Variants in NIPBL observed in about 807,000 individuals in gnomAD.
NIPBL encodes the protein nipped-B-like protein.
A neutral mutation model predicts 321.8 loss-of-function variants in NIPBL; 19 were observed. That is an observed-to-expected ratio of 0.06 (90% CI 0.04 to 0.09). The LOEUF (loss-of-function observed/expected upper bound fraction) is 0.09. NIPBL is among the 10% of genes least tolerant of loss of function. The pLI is 1.00. For missense variants in NIPBL, 2,210 were observed against 3,327.0 expected (o/e 0.66, Z 8.26); for synonymous variants, 1,106 against 1,114.1 (o/e 0.99, Z 0.14).
chr5:36,919,177 T>G (rs1267330961), intron 1 of NIPBL, among the ~76,000 whole-genome samples: 1 of 152,154 alleles, frequency 6.6e-6, no homozygotes, highest in Non-Finnish European at 1.5e-5. Flanking sequence ...GTTTTTATGC[T>G]GCTAAGGACA....
intron 1 of NIPBL, among the ~76,000 whole-genome samples, chr5:36,912,249 A>G (rs138961986): frequency 2.6e-5 from 4 of 152,282 alleles, no homozygotes; most frequent in African/African-American, 9.6e-5. Context: ...ATGAGGCTTT[A>G]GAGATTGAAG....
intron 1 of NIPBL, among the ~76,000 whole-genome samples, chr5:36,898,153 G>C (rs1229960113): frequency 1.3e-5 from 2 of 152,088 alleles, no homozygotes; most frequent in South Asian, 2.1e-4. Flanking sequence ...TAAAAATCTA[G>C]CTAGCTTATT....
At chr5:37,045,694 G>T (rs1246343832) in intron 37 of NIPBL, 97 bp downstream of exon 37, 24 of 1,263,528 alleles carry the variant, frequency 1.9e-5, no homozygotes, top group Non-Finnish European at 2.8e-5. Context: ...GGCAACATTA[G>T]AGTAGTCTGG....
At chr5:36,942,448 A>AG (rs1739198800) in intron 1 of NIPBL, among the ~76,000 whole-genome samples, 1 of 144,342 alleles carries the variant, frequency 6.9e-6, no homozygotes, top group Admixed American at 6.9e-5. Flanking sequence ...AAAAAAAAAA[A>AG]AAAAAAAAAG....
intron 45 of NIPBL, among the ~76,000 whole-genome samples, chr5:37,062,417 A>G (rs1440235337): frequency 6.6e-6 from 1 of 152,098 alleles, no homozygotes; most frequent in Non-Finnish European, 1.5e-5. Flanking sequence ...CTTATCAAGT[A>G]TGCAAATGTA....
chr5:36,926,025 G>A (rs142542343), intron 1 of NIPBL, among the ~76,000 whole-genome samples: 7 of 152,190 alleles, frequency 4.6e-5, no homozygotes, highest in East Asian at 1.9e-4. Flanking sequence ...ACTCAGTCAC[G>A]TCAGTAGTTT....
chr5:37,042,245 G>T (rs1007116207), intron 34 of NIPBL, among the ~76,000 whole-genome samples: 2 of 151,412 alleles, frequency 1.3e-5, no homozygotes, highest in African/African-American at 2.4e-5. Context: ...GACCAGCCTG[G>T]CCAGCATGGT....
At chr5:36,966,268 G>T (rs947630834) in intron 6 of NIPBL, among the ~76,000 whole-genome samples, 14 of 151,902 alleles carry the variant, frequency 9.2e-5, no homozygotes, top group Non-Finnish European at 7.4e-5. Context: ...CTAATTTTTG[G>T]TTTTTGAAGA....
intron 1 of NIPBL, among the ~76,000 whole-genome samples, chr5:36,905,422 C>A (rs1240418459): frequency 6.6e-6 from 1 of 152,128 alleles, no homozygotes; most frequent in African/African-American, 2.4e-5. Flanking sequence ...CTTGTAAGAT[C>A]ATAATCGGTG....
chr5:36,937,829 G>A (rs1292806744), intron 1 of NIPBL, among the ~76,000 whole-genome samples: 1 of 152,086 alleles, frequency 6.6e-6, no homozygotes, highest in Non-Finnish European at 1.5e-5. Flanking sequence ...AACAATGTGT[G>A]TTTCTGTGTG....
chr5:36,969,153 T>C (rs1050900695), intron 6 of NIPBL, among the ~76,000 whole-genome samples: 1 of 151,966 alleles, frequency 6.6e-6, no homozygotes, highest in Non-Finnish European at 1.5e-5. Context: ...TTGAAAGAGA[T>C]AGAAGAAAAG....
At position 36,930,994 on chromosome 5, in the gene NIPBL, G is replaced by A. The variant is rs560194949; in HGVS notation, c.-79-22624G>A. Reference sequence around the variant, plus strand: ...TGTTCATGAGGGATATTGGTCTGTAGTTTTCTTGCATTGTCTCTGTCTGGC... The same window carrying A: ...TGTTCATGAGGGATATTGGTCTGTAATTTTCTTGCATTGTCTCTGTCTGGC... On this transcript the variant is annotated intron_variant, in intron 1 of 46. Transcript: ENST00000282516. 5.9e-5 allele frequency among the ~76,000 whole-genome samples: 9 copies of A among 152,242 alleles called. No homozygotes were observed. The South Asian group carries it at 6.2e-4, about 11-fold the overall frequency.
chr5:37,009,190 A>C (rs184085535), intron 20 of NIPBL, among the ~76,000 whole-genome samples: 46 of 152,322 alleles, frequency 3.0e-4, no homozygotes, highest in African/African-American at 1.0e-3. Flanking sequence ...ATGGCTCAAA[A>C]TAATCAGATC....
chr5:36,924,944 A>G (rs1235273722), intron 1 of NIPBL, among the ~76,000 whole-genome samples: 1 of 152,290 alleles, frequency 6.6e-6, no homozygotes, highest in South Asian at 2.1e-4. Context: ...AAAATTTTAT[A>G]TATCTTTTAT....
chr5:36,977,935 A>G (rs1339912717), intron 9 of NIPBL, among the ~76,000 whole-genome samples: 1 of 151,994 alleles, frequency 6.6e-6, no homozygotes, highest in Non-Finnish European at 1.5e-5. Context: ...TGCAGAGGAC[A>G]TGATTTCATT....
chr5:36,918,736 G>T (rs536859114), intron 1 of NIPBL, among the ~76,000 whole-genome samples: 3 of 152,202 alleles, frequency 2.0e-5, no homozygotes, highest in African/African-American at 7.2e-5. Context: ...TAGCATGAAG[G>T]GCTGTTGAAT....
chr5:37,058,240 A>G (rs1754306898), intron 43 of NIPBL, among the ~76,000 whole-genome samples: 1 of 152,220 alleles, frequency 6.6e-6, no homozygotes, highest in South Asian at 2.1e-4. Context: ...TGAGAAGTTA[A>G]TAATTTCCCA....
At chr5:36,971,895 AT>A in intron 7 of NIPBL, 49 bp from the exon 8 acceptor site, 1 of 1,566,904 alleles carries the variant, frequency 6.4e-7, no homozygotes, top group African/African-American at 1.4e-5. Flanking sequence ...TAAGATTTCT[AT>A]AAAGCCTCTC....
In NIPBL at chr5:36,955,619, A is replaced by G; in HGVS notation, c.212A>G (p.Gln71Arg). 1 of 1,614,002 alleles carries G rather than the reference A, an allele frequency of 6.2e-7. No homozygotes were observed. Among genetic ancestry groups the G allele is most frequent in the Non-Finnish European group, 8.5e-7 (1 of 1,179,932 alleles). Reference sequence around the variant, plus strand: ...TCACAGCTTGTCCATAGCCTCAACCAGGTATCAACAGATCACATGTAAGTA... The same window carrying G: ...TCACAGCTTGTCCATAGCCTCAACCGGGTATCAACAGATCACATGTAAGTA... ...LVSQLVHSLNQVSTDHIELKD... is the reference protein window; with the variant it reads ...LVSQLVHSLNRVSTDHIELKD... The change falls in exon 3 of 47, where the codon CAG becomes CGG. Residue 71 changes from glutamine (Q) to arginine (R), a missense_variant. Around this residue, in one of 14 missense-constraint regions of NIPBL, gnomAD observed 464 missense variants for 529.5 expected, o/e 0.88. Coordinates refer to ENST00000282516, the MANE Select transcript of NIPBL (RefSeq NM_133433.4).
Sources: gnomAD v4.1 joint callset for allele counts (sites outside exome capture counted in the v4.1 genomes callset) on GRCh38, gnomAD v4.1.1 for gene constraint, gnomAD v4.1.1 regional missense constraint, MANE v1.5 for transcripts, NCBI Gene and HGNC (gene_info 2026-07-23, HGNC 2026-07-21) for gene names.